The following SEMA5B variants were observed in gnomAD, a reference collection of about 807,000 sequenced individuals.
SEMA5B encodes the protein semaphorin 5B.
A neutral mutation model predicts 135.0 loss-of-function variants in SEMA5B; 66 were observed. The observed-to-expected ratio is 0.49, with a 90% confidence interval of 0.40 to 0.60. SEMA5B has a LOEUF of 0.60. Ranked by LOEUF, SEMA5B falls within the 20% of genes least tolerant of loss-of-function variation. The probability of loss-of-function intolerance (pLI) is 0.00; values close to 1 mark genes in which losing one functional copy is unlikely to be tolerated. For synonymous variants in SEMA5B, 690 were observed against 639.5 expected (o/e 1.08, Z -1.19); for missense variants, 1,501 against 1,566.3 (o/e 0.96, Z 0.70).
chr3:123,024,513 G>C (rs537197146), intron 1 of SEMA5B, among the ~76,000 whole-genome samples: 13 of 152,350 alleles, frequency 8.5e-5, no homozygotes, highest in Admixed American at 8.5e-4. Flanking sequence ...AATGGGGACA[G>C]GAGATCTGAA....
chr3:122,985,705 G>A (rs1017732818), intron 1 of SEMA5B, among the ~76,000 whole-genome samples: 1 of 152,114 alleles, frequency 6.6e-6, no homozygotes, highest in Non-Finnish European at 1.5e-5. Flanking sequence ...GGAATCTTGC[G>A]GGAGGAGGTG....
chr3:122,929,012 C>T lies in SEMA5B; in HGVS notation c.521G>A (p.Ser174Asn). 6.2e-7 allele frequency: 1 copy of T among 1,612,544 alleles called. No homozygotes were observed. Reference sequence around the variant, plus strand: ...ACCACGTACCTCAGTCTTCCCTTTGCTTTGGCAGGAGCGGCGCGTGTCCTC... The same window carrying T: ...ACCACGTACCTCAGTCTTCCCTTTGTTTTGGCAGGAGCGGCGCGTGTCCTC... ...SSEDTRRSCQ[S>N]KGKTEEECQN... The change falls in exon 6 of 23, where the codon AGC becomes AAC. Residue 174 changes from serine to asparagine, a missense_variant. Physicochemically the swap from Ser to Asn is conservative, Grantham distance 46 (BLOSUM62 1). Transcript: ENST00000357599.
At chr3:122,980,669 C>T (rs2107678934) in intron 1 of SEMA5B, among the ~76,000 whole-genome samples, 1 of 152,288 alleles carries the variant, frequency 6.6e-6, no homozygotes, top group South Asian at 2.1e-4. Flanking sequence ...GTATCCATAA[C>T]ACAAAATTTA....
chr3:122,988,248 C>T (rs1292928983), intron 1 of SEMA5B, among the ~76,000 whole-genome samples: 6 of 152,114 alleles, frequency 3.9e-5, no homozygotes, highest in African/African-American at 7.2e-5. Flanking sequence ...GAAACTGAGG[C>T]GATAGGGTTT....
Position 122,926,470 on chromosome 3 carries a change from G to C in SEMA5B, c.1058C>G (p.Pro353Arg). 6.2e-7 allele frequency: 1 copy of C among 1,614,210 alleles called. No homozygotes were observed. Among genetic ancestry groups the C allele is most frequent in the Non-Finnish European group, 8.5e-7 (1 of 1,180,042 alleles). ...ACTCTGCAGCTCGTTATAGTAGAAG[G>C]GGACCTCGCCCGGGCGGGAGCAGTT... ...RLNCSRPGEV[P>R]FYYNELQSAF... The change falls in exon 9 of 23, where the codon CCC (proline) becomes CGC (arginine). Residue 353 changes from proline (P) to arginine (R), a missense_variant. Physicochemically the swap from Pro to Arg is moderately radical, Grantham distance 103. Around this residue, in one of 2 missense-constraint regions of SEMA5B, gnomAD observed 574 missense variants for 684.7 expected, o/e 0.84. Transcript: ENST00000357599.
In SEMA5B at chr3:122,957,000, A is replaced by G. The variant is rs189615255; in HGVS notation, c.124+4140T>C. Among the ~76,000 whole-genome samples, 159 of 152,330 alleles carry G rather than the reference A, an allele frequency of 1.0e-3. 1 individual carries two copies. Among genetic ancestry groups the G allele is most frequent in the Middle Eastern group, 6.8e-3 (2 of 294 alleles). On this transcript the variant is annotated intron_variant, in intron 2 of 22. Transcript: ENST00000357599. ...TCCAGACAGAGGGCACAGCAGGGGA[A>G]AGACTTGGCTCTGGCCTATCCTTGG...
intron 1 of SEMA5B, among the ~76,000 whole-genome samples, chr3:122,977,320 C>T (rs905852183): frequency 2.6e-5 from 4 of 152,198 alleles, no homozygotes; most frequent in Non-Finnish European, 4.4e-5. Flanking sequence ...TGCAGGATCG[C>T]TGAATAATAA....
chr3:122,934,942 T>G (rs1203124958), intron 5 of SEMA5B, among the ~76,000 whole-genome samples: 1 of 152,078 alleles, frequency 6.6e-6, no homozygotes, highest in Admixed American at 6.6e-5. Flanking sequence ...TTATGATATG[T>G]CTGAGATTTG....
intron 1 of SEMA5B, among the ~76,000 whole-genome samples, chr3:123,012,175 T>C (rs1016243179): frequency 6.6e-6 from 1 of 152,186 alleles, no homozygotes; most frequent in Non-Finnish European, 1.5e-5. Flanking sequence ...GGCTCATCGC[T>C]CCTTCAGAGG....
At chr3:122,921,794 G>C in intron 12 of SEMA5B, 121 bp downstream of exon 12, 1 of 740,626 alleles carries the variant, frequency 1.4e-6, no homozygotes, top group East Asian at 3.0e-5. Flanking sequence ...GGAGTGACTT[G>C]TCCTAAGGCA....
At chr3:122,980,392 G>T (rs1941480190) in intron 1 of SEMA5B, among the ~76,000 whole-genome samples, 1 of 151,940 alleles carries the variant, frequency 6.6e-6, no homozygotes, top group Non-Finnish European at 1.5e-5. Flanking sequence ...CCCAGGAGGT[G>T]GAGGTTGTGG....
chr3:123,003,261 T>TA (rs1226667410), intron 1 of SEMA5B, among the ~76,000 whole-genome samples: 1 of 151,920 alleles, frequency 6.6e-6, no homozygotes, highest in Non-Finnish European at 1.5e-5. Flanking sequence ...CGAAACACAG[T>TA]AAAAAAGTGC....
At chr3:123,000,202 T>A (rs1026733124) in intron 1 of SEMA5B, among the ~76,000 whole-genome samples, 1 of 152,160 alleles carries the variant, frequency 6.6e-6, no homozygotes, top group African/African-American at 2.4e-5. Context: ...AGTAAGACTC[T>A]GTCTCAAAAA....
intron 9 of SEMA5B, among the ~76,000 whole-genome samples, chr3:122,924,408 C>G (rs1022128274): frequency 1.3e-5 from 2 of 152,166 alleles, no homozygotes; most frequent in African/African-American, 4.8e-5. Context: ...CTGGTTTCAG[C>G]CCCCCTCTAG....
chr3:122,912,350 G>A lies in SEMA5B; in HGVS notation c.2726-8C>T. On this transcript the variant is annotated splice_polypyrimidine_tract_variant and splice_region_variant and intron_variant, in intron 18 of 22. Coordinates refer to ENST00000357599, the MANE Select transcript of SEMA5B (RefSeq NM_001031702.4). ...AGGACCAAGCACCCCGAACTGCAAG[G>A]GGACGGGGTGTGTGAGGGGCTGTAG... is the stretch of plus-strand genomic sequence containing the variant. 1 of 1,579,536 alleles carries A rather than the reference G, an allele frequency of 6.3e-7. No individual in the cohort carries two copies. Among genetic ancestry groups the A allele is most frequent in the Non-Finnish European group, 8.6e-7 (1 of 1,162,336 alleles).
In SEMA5B at chr3:122,931,778, C is replaced by T. The variant is rs377680860; in HGVS notation, c.475-2720G>A. The stretch of plus-strand genomic sequence containing the variant: ...TTTCTTCCATGCCATTGACATCATC[C>T]TGCAAGTCTGGATGCTTATAGAATG... On this transcript the variant is annotated intron_variant, in intron 5 of 22. Coordinates refer to ENST00000357599, the MANE Select transcript of SEMA5B (RefSeq NM_001031702.4). Among the ~76,000 whole-genome samples, 11 of 152,322 alleles carry T rather than the reference C, an allele frequency of 7.2e-5. 2 individuals are homozygous for T. Among genetic ancestry groups the T allele is most frequent in the Admixed American group, 6.5e-5 (1 of 15,290 alleles).
intron 5 of SEMA5B, among the ~76,000 whole-genome samples, chr3:122,936,972 TA>T (rs1454863554): frequency 6.6e-6 from 1 of 152,282 alleles, no homozygotes; most frequent in Admixed American, 6.5e-5. Context: ...AAAAACTGTT[TA>T]CATTTAGATT....
intron 1 of SEMA5B, among the ~76,000 whole-genome samples, chr3:122,977,369 A>C (rs1168153034): frequency 6.6e-6 from 1 of 152,260 alleles, no homozygotes; most frequent in Non-Finnish European, 1.5e-5. Flanking sequence ...CTTTAGCATA[A>C]GTGCATCCCA....
At chr3:122,933,349 C>G (rs557280615) in intron 5 of SEMA5B, among the ~76,000 whole-genome samples, 7 of 152,234 alleles carry the variant, frequency 4.6e-5, no homozygotes, top group South Asian at 2.1e-4. Context: ...ATACCAAATT[C>G]TAGGTTGAAA....
Sources: gnomAD v4.1 joint callset for allele counts (sites outside exome capture counted in the v4.1 genomes callset) on GRCh38, gnomAD v4.1.1 for gene constraint, gnomAD v4.1.1 regional missense constraint, MANE v1.5 for transcripts, NCBI Gene and HGNC (gene_info 2026-07-23, HGNC 2026-07-21) for gene names.